The following PTPRD variants were observed in gnomAD, a reference collection of about 807,000 sequenced individuals.
The protein encoded by PTPRD is receptor-type tyrosine-protein phosphatase delta.
PTPRD carries 34 observed loss-of-function variants against 214.5 expected under a neutral mutation model. The observed-to-expected ratio is 0.16, with a 90% CI of 0.12 to 0.21. PTPRD has a LOEUF of 0.21. PTPRD is among the 10% of genes least tolerant of loss of function. The pLI, the probability that PTPRD is intolerant of heterozygous loss-of-function variation, is 1.00. For synonymous variants in PTPRD, 1,128 were observed against 845.7 expected, an observed-to-expected ratio of 1.33 and a Z score of -5.79; for missense variants, 2,545 against 2,398.7, an observed-to-expected ratio of 1.06 and a Z score of -1.27.
At chr9:9,051,091 T>A (rs1405687139) in intron 10 of PTPRD, among the ~76,000 whole-genome samples, 1 of 152,190 alleles carries the variant, frequency 6.6e-6, no homozygotes. Flanking sequence ...TTCTAGGCTA[T>A]TATATAGTCT....
chr9:8,791,524 T>TTC (rs1491130310), intron 11 of PTPRD, among the ~76,000 whole-genome samples: 1 of 36,578 alleles, frequency 2.7e-5, no homozygotes, highest in Non-Finnish European at 7.5e-5. Flanking sequence ...ATGCCCAGAC[T>TTC]TTTTTTTTTT....
intron 8 of PTPRD, among the ~76,000 whole-genome samples, chr9:9,427,332 A>AT (rs1327792748): frequency 8.5e-5 from 13 of 152,212 alleles, no homozygotes; most frequent in Admixed American, 2.6e-4. Context: ...GATCAAATGA[A>AT]TGAAATGAAG....
intron 3 of PTPRD, among the ~76,000 whole-genome samples, chr9:10,193,367 T>G (rs917093051): frequency 6.6e-6 from 1 of 152,008 alleles, no homozygotes; most frequent in East Asian, 1.9e-4. Flanking sequence ...AGCCTCTGTG[T>G]GCGGTTGGGC....
intron 2 of PTPRD, among the ~76,000 whole-genome samples, chr9:10,529,222 T>G (rs7031337): frequency 0.54 from 82,504 of 151,784 alleles, 23,126 homozygotes; most frequent in Non-Finnish European, 0.63. Flanking sequence ...TTACTGGGTA[T>G]ATACCCAAAG....
intron 9 of PTPRD, among the ~76,000 whole-genome samples, chr9:9,348,230 T>C (rs2049678003): frequency 6.6e-6 from 1 of 152,128 alleles, no homozygotes; most frequent in Admixed American, 6.6e-5. Context: ...ATTCTGTTGC[T>C]CTCTTTGGGT....
At chr9:8,832,144 T>C (rs1033042052) in intron 11 of PTPRD, among the ~76,000 whole-genome samples, 1 of 151,700 alleles carries the variant, frequency 6.6e-6, no homozygotes, top group Admixed American at 6.6e-5. Flanking sequence ...GTATGATCTA[T>C]ACATATGTCT....
chr9:9,910,663 T>C (rs372180068), intron 5 of PTPRD, among the ~76,000 whole-genome samples: 5 of 152,028 alleles, frequency 3.3e-5, no homozygotes, highest in Admixed American at 6.6e-5. Flanking sequence ...TAATTTTGTC[T>C]TTTATGCATT....
rs2079902946 is a variant in PTPRD at position 8,366,448 on chromosome 9, C to T, written c.4661+9488G>A. The stretch of plus-strand genomic sequence containing the variant: ...GTGAGATGGGAAGAGACAGAAAAAG[C>T]AAGACTGCTCATGTCCCTTGGAAGA... On this transcript the variant is annotated intron_variant, in intron 39 of 45. Transcript: ENST00000381196. Among the ~76,000 whole-genome samples the T allele has an allele frequency of 2.6e-5, 4 of 151,996 alleles. No individual in the cohort carries two copies. In the South Asian group the frequency reaches 8.3e-4, roughly 32 times the overall value.
At chr9:9,119,747 C>G (rs2099815841) in intron 10 of PTPRD, among the ~76,000 whole-genome samples, 1 of 151,890 alleles carries the variant, frequency 6.6e-6, no homozygotes, top group South Asian at 2.1e-4. Context: ...TGGTCTCGAA[C>G]TTCTGAGCTC....
chr9:9,418,869 C>T (rs2077771799), intron 8 of PTPRD, among the ~76,000 whole-genome samples: 2 of 151,750 alleles, frequency 1.3e-5, no homozygotes, highest in Non-Finnish European at 2.9e-5. Flanking sequence ...CATGGAACTT[C>T]AAAAGGATAT....
chr9:9,333,897 G>C (rs1425472207), intron 9 of PTPRD, among the ~76,000 whole-genome samples: 2 of 151,866 alleles, frequency 1.3e-5, no homozygotes, highest in Admixed American at 1.3e-4. Flanking sequence ...TAATGCTAAA[G>C]AGAAGAAAAT....
chr9:8,627,419 A>G (rs2096077646), intron 14 of PTPRD, among the ~76,000 whole-genome samples: 1 of 151,820 alleles, frequency 6.6e-6, no homozygotes, highest in Non-Finnish European at 1.5e-5. Flanking sequence ...TAAACACCAA[A>G]TTCCCTTCTA....
chr9:9,822,046 A>T (rs2050933369), intron 5 of PTPRD, among the ~76,000 whole-genome samples: 1 of 151,694 alleles, frequency 6.6e-6, no homozygotes, highest in Non-Finnish European at 1.5e-5. Flanking sequence ...CATTTGCCAA[A>T]GGCATCATGT....
chr9:8,580,107 T>C (rs943780106), intron 14 of PTPRD, among the ~76,000 whole-genome samples: 2 of 152,186 alleles, frequency 1.3e-5, no homozygotes, highest in Non-Finnish European at 2.9e-5. Context: ...AAATGTGTCA[T>C]GATAATGTCA....
rs911168924 is a variant in PTPRD, at chr9:10,033,772, C to A, written c.-526G>T. 6 of 152,040 alleles carry A rather than the reference C, an allele frequency of 3.9e-5. No homozygotes were observed. Among genetic ancestry groups the A allele is most frequent in the Non-Finnish European group, 7.4e-5 (5 of 67,962 alleles). The allele number at this position is 152,040 out of a possible 1,614,324, so 9.4% of individuals were successfully genotyped here. Reference sequence around the variant, plus strand: ...TTTATAGCTGGAGGATGAAAAGTATCAGACTCCTCAAGATTTCCCTGAAAG... The same window carrying A: ...TTTATAGCTGGAGGATGAAAAGTATAAGACTCCTCAAGATTTCCCTGAAAG... On this transcript the variant is annotated 5_prime_UTR_variant, in exon 4 of 46. Coordinates refer to ENST00000381196, the MANE Select transcript of PTPRD (RefSeq NM_002839.4).
At chr9:8,427,537 A>AAAACACCTGACCC (rs1399196748) in intron 35 of PTPRD, among the ~76,000 whole-genome samples, 1 of 152,110 alleles carries the variant, frequency 6.6e-6, no homozygotes, top group Non-Finnish European at 1.5e-5. Flanking sequence ...ACACCTGACC[A>AAAACACCTGACCC]AAACACCTGA....
intron 4 of PTPRD, among the ~76,000 whole-genome samples, chr9:9,995,182 G>A (rs1199485147): frequency 6.6e-6 from 1 of 152,024 alleles, no homozygotes; most frequent in Non-Finnish European, 1.5e-5. Context: ...AAAGCTAAAG[G>A]CCTCCAGAAA....
At chr9:9,295,578 T>A (rs191342677) in intron 9 of PTPRD, among the ~76,000 whole-genome samples, 44 of 151,932 alleles carry the variant, frequency 2.9e-4, no homozygotes, top group Non-Finnish European at 6.3e-4. Context: ...GAGAGATTTT[T>A]AAGAGACTAT....
At chr9:9,455,547 C>A (rs1034704018) in intron 8 of PTPRD, among the ~76,000 whole-genome samples, 3 of 151,662 alleles carry the variant, frequency 2.0e-5, no homozygotes, top group Middle Eastern at 3.4e-3. Context: ...TTTTACAAGG[C>A]CCCCAAAAGG....
Sources: allele counts gnomAD v4.1 joint callset (sites outside exome capture counted in the v4.1 genomes callset), GRCh38; gene constraint gnomAD v4.1.1; transcripts MANE v1.5; gene names NCBI Gene and HGNC (gene_info 2026-07-23, HGNC 2026-07-21).